The following CSF2RA variants were observed in gnomAD, a reference collection of about 807,000 sequenced individuals.
The protein encoded by CSF2RA is granulocyte-macrophage colony-stimulating factor receptor subunit alpha.
Under a neutral mutation model 51.6 loss-of-function variants are expected in CSF2RA, and 42 were observed. That is an observed-to-expected ratio of 0.81 (90% CI 0.64 to 1.05). The LOEUF is 1.05. Among genes scored for constraint, CSF2RA ranks in the 50% least tolerant of loss-of-function variants. CSF2RA has a pLI of 0.00. For missense variants in CSF2RA, 530 were observed against 501.1 expected, an observed-to-expected ratio of 1.06 and a Z score of -0.55; for synonymous variants, 222 against 193.0, an observed-to-expected ratio of 1.15 and a Z score of -1.24.
At chrX:1,287,115 G>C (rs1292031048) in intron 4 of CSF2RA, 1 of 151,768 alleles carries the variant, frequency 6.6e-6, no homozygotes, top group Non-Finnish European at 1.5e-5. Context: ...CGGAGGGATG[G>C]GTGGTCTTGC....
At chrX:1,321,574 CAAAA>C in the CSF2RA span, among the ~76,000 whole-genome samples, 1 of 114,264 alleles carries the variant, frequency 8.8e-6, no homozygotes. Context: ...GACTCCATCT[CAAAA>C]AAAAAAAAAA....
At chrX:1,302,675 T>C (rs1189019253) in intron 10 of CSF2RA, among the ~76,000 whole-genome samples, 2 of 149,500 alleles carry the variant, frequency 1.3e-5, no homozygotes, top group Non-Finnish European at 3.0e-5. Flanking sequence ...TGGCCAATTT[T>C]TGTATTTTTC....
chrX:1,285,567 C>T (rs1374183307), intron 3 of CSF2RA: 124 of 631,858 alleles, frequency 2.0e-4, no homozygotes, highest in Admixed American at 1.1e-3. Flanking sequence ...TGGTGGTCGG[C>T]GCCTGTCATC....
At chrX:1,310,374 A>AT (rs2148729828), downstream of CSF2RA, 1 of 151,266 alleles carries the variant, frequency 6.6e-6, no homozygotes, top group African/African-American at 2.4e-5. Context: ...TTTAAAAAAA[A>AT]AAAAAAATTG....
intron 10 of CSF2RA, among the ~76,000 whole-genome samples, chrX:1,301,828 G>T (rs539669410): frequency 6.7e-6 from 1 of 148,816 alleles, no homozygotes; most frequent in Admixed American, 6.8e-5. Flanking sequence ...GGATGGTCTC[G>T]ATCTCCTGAC....
At chrX:1,290,297 G>C (rs1482492162) in intron 6 of CSF2RA, 40 bp from the exon 7 acceptor site, 3 of 1,537,804 alleles carry the variant, frequency 2.0e-6, no homozygotes, top group Admixed American at 1.7e-5. Flanking sequence ...GTTTTGTTTT[G>C]TTTTCCTGAT....
At chrX:1,306,766 AAGAG>A (rs1338067750) in intron 12 of CSF2RA, among the ~76,000 whole-genome samples, 1 of 150,994 alleles carries the variant, frequency 6.6e-6, no homozygotes, top group African/African-American at 2.4e-5. Flanking sequence ...GACACAGAAA[AAGAG>A]AGAGAGAGGG....
intron 1 of CSF2RA, 38 bp from the exon 2 acceptor site, chrX:1,274,717 A>G (rs1490726761): frequency 6.6e-6 from 3 of 452,496 alleles, no homozygotes; most frequent in East Asian, 1.4e-4. Flanking sequence ...ATAACCTTTC[A>G]TGATTTTGGG....
chrX:1,318,895 T>C, the CSF2RA span, among the ~76,000 whole-genome samples: 138 of 144,652 alleles, frequency 9.5e-4, 1 homozygote, highest in African/African-American at 3.1e-3. Context: ...CCAGCCTGGG[T>C]TACAGAGCAA....
chrX:1,318,155 A>ATT, the CSF2RA span, among the ~76,000 whole-genome samples: 29 of 140,832 alleles, frequency 2.1e-4, no homozygotes, highest in African/African-American at 3.5e-4. Flanking sequence ...CGCCCGGCTA[A>ATT]TTTTTTTTTT....
intron 12 of CSF2RA, 146 bp from the exon 13 acceptor site, chrX:1,309,256 A>C (rs759022196): frequency 1.2e-6 from 1 of 805,890 alleles, no homozygotes. Context: ...CCGAGGTTGC[A>C]GTGAGCTGAG....
At position 1,287,851 on chromosome X, in the gene CSF2RA, C is replaced by G. The variant is rs1165607696; in HGVS notation, c.220-668C>G. 1.4e-5 allele frequency among the ~76,000 whole-genome samples: 2 copies of G among 139,624 alleles called. 1 individual carries two copies. The highest frequency in any genetic ancestry group is 4.9e-4 in the East Asian group (2 of 4,066). 91.6% of individuals were successfully genotyped at this position (139,624 alleles called of 152,430 possible). On this transcript the variant is annotated intron_variant, in intron 4 of 12. Transcript: ENST00000381529. ...TCCTGGGTTCAAGAGAGTCTCCTGCCTCAGCCTCCCGAGTAGCAGGGATTA... is the reference window on the plus strand; with the variant it reads ...TCCTGGGTTCAAGAGAGTCTCCTGCGTCAGCCTCCCGAGTAGCAGGGATTA...
chrX:1,319,695 C>T, the CSF2RA span, among the ~76,000 whole-genome samples: 10 of 147,056 alleles, frequency 6.8e-5, 1 homozygote, highest in South Asian at 1.6e-3. Flanking sequence ...GAATTACAGC[C>T]ATTCTTCACG....
chrX:1,322,607 C>T, the CSF2RA span, among the ~76,000 whole-genome samples: 4 of 151,510 alleles, frequency 2.6e-5, no homozygotes, highest in East Asian at 3.9e-4. Context: ...TTTGTGGTCA[C>T]GCGGCAGCTC....
the CSF2RA span, among the ~76,000 whole-genome samples, chrX:1,323,136 A>G: frequency 2.0e-5 from 3 of 146,658 alleles, no homozygotes; most frequent in Non-Finnish European, 4.4e-5. Flanking sequence ...CTCAAAAAAA[A>G]TACAATACAA....
intron 10 of CSF2RA, among the ~76,000 whole-genome samples, chrX:1,302,193 G>A (rs1325587257): frequency 6.6e-5 from 10 of 152,126 alleles, no homozygotes; most frequent in Admixed American, 4.6e-4. Flanking sequence ...TGCAATGACA[G>A]GCGTGAGCCA....
chrX:1,281,534 T>TCTCCTCCTCCTGCACCTTTC (rs2090074381), intron 2 of CSF2RA, among the ~76,000 whole-genome samples: 1 of 148,066 alleles, frequency 6.8e-6, no homozygotes, highest in African/African-American at 2.5e-5. Flanking sequence ...TCCTCCTCCT[T>TCTCCTCCTCCTGCACCTTTC]CTCCTCCTCC....
At chrX:1,315,277 G>T (rs1203151597), downstream of CSF2RA, among the ~76,000 whole-genome samples, 2 of 152,048 alleles carry the variant, frequency 1.3e-5, no homozygotes, top group Non-Finnish European at 1.5e-5. Flanking sequence ...AAGACAGATA[G>T]ATGATTGATA....
chrX:1,287,273 C>G (rs2090812864), intron 4 of CSF2RA: 1 of 151,296 alleles, frequency 6.6e-6, no homozygotes, highest in South Asian at 2.1e-4. Context: ...CCTATCTCAG[C>G]CTCCTGAGTA....
Sources: allele counts gnomAD v4.1 joint callset (sites outside exome capture counted in the v4.1 genomes callset), GRCh38; gene constraint gnomAD v4.1.1; transcripts MANE v1.5; gene names NCBI Gene and HGNC (gene_info 2026-07-23, HGNC 2026-07-21).